Variants in SLC26A9 observed in about 807,000 individuals in gnomAD.
SLC26A9 encodes the protein anion transporter/exchanger protein 9.
SLC26A9 carries 46 observed loss-of-function variants against 87.1 expected under a neutral mutation model. The ratio of observed to expected loss-of-function variants is 0.53; its 90% CI spans 0.42 to 0.67. The LOEUF (loss-of-function observed/expected upper bound fraction) is 0.67, where lower values mean the gene tolerates loss of function less well. SLC26A9 is among the 30% of genes least tolerant of loss of function. The pLI, the probability that SLC26A9 is intolerant of heterozygous loss-of-function variation, is 0.00. For missense variants in SLC26A9, 927 were observed against 1,018.3 expected (o/e 0.91, Z 1.22); for synonymous variants, 437 against 409.1 (o/e 1.07, Z -0.82).
At chr1:205,927,420 G>A (rs781572652) in intron 10 of SLC26A9, 72 bp downstream of exon 10, 564 of 1,545,700 alleles carry the variant, frequency 3.6e-4, no homozygotes, top group Non-Finnish European at 4.6e-4. Flanking sequence ...GGCCTGGCTT[G>A]CAGTGCCCAG....
intron 16 of SLC26A9, 104 bp from the exon 17 acceptor site, chr1:205,921,951 C>T: frequency 6.5e-6 from 9 of 1,381,482 alleles, no homozygotes; most frequent in Non-Finnish European, 8.8e-6. Context: ...AGGGGAATAA[C>T]TCGCCTCGGT....
At chr1:205,918,068 T>C (rs973861311) in intron 19 of SLC26A9, among the ~76,000 whole-genome samples, 2 of 152,160 alleles carry the variant, frequency 1.3e-5, no homozygotes, top group African/African-American at 2.4e-5. Context: ...ATCAGTCTCT[T>C]AAGGCAAAGA....
At position 205,938,940 on chromosome 1, in the gene SLC26A9, G is replaced by A. The variant is rs544041906; in HGVS notation, c.-18-3102C>T. On this transcript the variant is annotated intron_variant, in intron 1 of 20. Coordinates refer to ENST00000367135, the MANE Select transcript of SLC26A9 (RefSeq NM_052934.4). ...GACTCAGGACCAGCTCTGCCCCTCT[G>A]GGCAGACTCACTGACAGATGGAGCA... Among the ~76,000 whole-genome samples the A allele has an allele frequency of 2.0e-5, 3 of 152,296 alleles. No homozygotes were observed. The East Asian group carries it at 5.8e-4, about 29-fold the overall frequency.
intron 1 of SLC26A9, among the ~76,000 whole-genome samples, chr1:205,938,192 C>T (rs142669946): frequency 6.6e-6 from 1 of 151,712 alleles, no homozygotes; most frequent in East Asian, 1.9e-4. Context: ...TTCCTGTCCT[C>T]TCCCTACCCC....
chr1:205,934,846 C>T (rs1205691002), intron 2 of SLC26A9, among the ~76,000 whole-genome samples: 3 of 152,166 alleles, frequency 2.0e-5, no homozygotes, highest in Non-Finnish European at 2.9e-5. Flanking sequence ...CCAAGAGAAA[C>T]AGGGCTGGGC....
chr1:205,919,157 G>A (rs1270601696), intron 18 of SLC26A9, among the ~76,000 whole-genome samples, 172 bp from the exon 19 acceptor site: 1 of 152,198 alleles, frequency 6.6e-6, no homozygotes, highest in African/African-American at 2.4e-5. Flanking sequence ...GACGGCAGAG[G>A]GCAACATGAA....
At position 205,932,691 on chromosome 1, in the gene SLC26A9, AGAG is replaced by A. The variant is rs752407616; in HGVS notation, c.376+8_376+10del. 6.5e-7 allele frequency: 1 copy of A among 1,542,826 alleles called. No individual in the cohort carries two copies. Among genetic ancestry groups the A allele is most frequent in the Non-Finnish European group, 8.7e-7 (1 of 1,147,414 alleles). On this transcript the variant is annotated splice_region_variant and intron_variant, in intron 4 of 20. Coordinates refer to ENST00000367135, the MANE Select transcript of SLC26A9 (RefSeq NM_052934.4). ...GGGTCATCCTGCCTGCCCAGAGGGG[AGAG>A]GCCTTACCTGGCACCATCTGGTGAA... is the stretch of plus-strand genomic sequence containing the variant.
At position 205,927,515 on chromosome 1, in the gene SLC26A9, C is replaced by G; in HGVS notation, c.1192G>C (p.Asp398His). ...ACCTGGGATTTTCCTCCAGCTCCAT[C>G]CACAGCCAGAGTGACAGAAAGCGCA... ...CCALSVTLAV[D>H]GAGGKSQVAS... The change falls in exon 10 of 21, where the codon GAT becomes CAT. Residue 398 changes from aspartate (D) to histidine (H), a missense_variant. Coordinates refer to ENST00000367135, the MANE Select transcript of SLC26A9 (RefSeq NM_052934.4). The G allele has an allele frequency of 6.2e-7, 1 of 1,614,078 alleles. No homozygotes were observed. The highest frequency in any genetic ancestry group is 8.5e-7 in the Non-Finnish European group (1 of 1,179,998).
chr1:205,915,516 A>T, intron 20 of SLC26A9, 112 bp from the exon 21 acceptor site: 1 of 1,200,598 alleles, frequency 8.3e-7, no homozygotes. Flanking sequence ...AGAACAAAGC[A>T]CCTGTGTGTG....
At chr1:205,917,381 T>A in intron 19 of SLC26A9, 27 bp from the exon 20 acceptor site, 2 of 1,612,594 alleles carry the variant, frequency 1.2e-6, no homozygotes, top group Non-Finnish European at 1.7e-6. Flanking sequence ...CAGTGCAGAA[T>A]GAGCTTCAGT....
In SLC26A9 at chr1:205,924,806, T is replaced by C. The variant is rs1571739053; in HGVS notation, c.1390-317A>G. 2.1e-5 allele frequency: 6 copies of C among 283,614 alleles called. 1 individual carries two copies. The South Asian group carries it at 2.6e-4, about 12-fold the overall frequency. The allele number at this position is 283,614 out of a possible 1,614,324, so 17.6% of individuals were successfully genotyped here. ...TTGGGTTCAAAATGTGTTTGTTTGTTTGTTTTTGGAGTCACAGGGTCTTGC... is the reference window on the plus strand; with the variant it reads ...TTGGGTTCAAAATGTGTTTGTTTGTCTGTTTTTGGAGTCACAGGGTCTTGC... On this transcript the variant is annotated intron_variant, in intron 12 of 20. Transcript: ENST00000367135.
chr1:205,926,323 G>A (rs73082392), intron 12 of SLC26A9, among the ~76,000 whole-genome samples: 2 of 152,276 alleles, frequency 1.3e-5, no homozygotes, highest in African/African-American at 4.8e-5. Flanking sequence ...AGGTTAAGGG[G>A]CTTGCTATTG....
At position 205,920,227 on chromosome 1, in the gene SLC26A9, T is replaced by G; in HGVS notation, c.2059A>C (p.Ser687Arg). The G allele has an allele frequency of 6.2e-7, 1 of 1,613,958 alleles. No individual in the cohort carries two copies. ...ACGCCGATCTTCCCATAGGTGGAGC[T>G]CAGCTAGAAGTGTTGTTGGGGTAGG... ...LMGIKALAKL[S>R]STYGKIGVKV... Residue 687 changes from serine (S) to arginine (R), a missense_variant, in exon 18 of 21, where the codon AGC becomes CGC. Transcript: ENST00000367135.
rs201055167 is a variant in SLC26A9 at position 205,928,860 on chromosome 1, T to C, written c.920A>G (p.Tyr307Cys). 4 of 1,614,148 alleles carry C rather than the reference T, an allele frequency of 2.5e-6. No homozygotes were observed. Among genetic ancestry groups the C allele is most frequent in the East Asian group, 2.2e-5 (1 of 44,872 alleles). The change falls in exon 8 of 21, where the codon TAT (tyrosine) becomes TGT (cysteine). Residue 307 changes from tyrosine (Y) to cysteine (C), a missense_variant. Physicochemically the swap from Tyr to Cys is radical, Grantham distance 194. Coordinates refer to ENST00000367135, the MANE Select transcript of SLC26A9 (RefSeq NM_052934.4). ...GATTTCTCCCACGATCTGCATGTGATACTTTTTGGGCATCTTACAGCCCCC... is the reference window on the plus strand; with the variant it reads ...GATTTCTCCCACGATCTGCATGTGACACTTTTTGGGCATCTTACAGCCCCC... ...ISGGCKMPKKYHMQIVGEIQR... is the reference protein window; with the variant it reads ...ISGGCKMPKKCHMQIVGEIQR...
chr1:205,925,172 G>A (rs1659014531), intron 12 of SLC26A9, among the ~76,000 whole-genome samples: 1 of 152,194 alleles, frequency 6.6e-6, no homozygotes, highest in Admixed American at 6.5e-5. Flanking sequence ...CAAAAGTTAA[G>A]GAATGTGACG....
chr1:205,914,952 T>C lies in SLC26A9; in HGVS notation c.*405A>G, dbSNP rs1458795443. On this transcript the variant is annotated 3_prime_UTR_variant, in exon 21 of 21. Transcript: ENST00000367135. ...AGCCGTGTGGGCTCTGGGACACTTT[T>C]TGAAGCTTGTACAGCAGGCCAGCAC... The C allele has an allele frequency of 6.2e-6, 10 of 1,614,056 alleles. No homozygotes were observed. The highest frequency in any genetic ancestry group is 5.0e-5 in the Admixed American group (3 of 60,012).
At chr1:205,935,913 T>C in intron 1 of SLC26A9, 75 bp from the exon 2 acceptor site, 3 of 1,488,864 alleles carry the variant, frequency 2.0e-6, no homozygotes, top group Non-Finnish European at 1.8e-6. Context: ...CTCTCTCTGG[T>C]CCTTGCAGTA....
In SLC26A9 at chr1:205,915,099, G is replaced by C. The variant is rs147543239; in HGVS notation, c.*258C>G. The C allele has an allele frequency of 6.2e-7, 1 of 1,614,054 alleles. No homozygotes were observed. Among genetic ancestry groups the C allele is most frequent in the South Asian group, 1.1e-5 (1 of 91,060 alleles). On this transcript the variant is annotated 3_prime_UTR_variant, in exon 21 of 21. Transcript: ENST00000367135. Reference sequence around the variant, plus strand: ...AGTGAGCAGGAGGCTTGTCCATTGCGGCCAGGGCCTGACGGGTGAAGAGTG... The same window carrying C: ...AGTGAGCAGGAGGCTTGTCCATTGCCGCCAGGGCCTGACGGGTGAAGAGTG...
chr1:205,922,828 G>A (rs372776422), intron 16 of SLC26A9, among the ~76,000 whole-genome samples: 11 of 152,190 alleles, frequency 7.2e-5, no homozygotes, highest in African/African-American at 2.4e-4. Flanking sequence ...GAACCCCAGA[G>A]GTGGAGGTTG....
Sources: allele counts gnomAD v4.1 joint callset (sites outside exome capture counted in the v4.1 genomes callset), GRCh38; gene constraint gnomAD v4.1.1; transcripts MANE v1.5; gene names NCBI Gene and HGNC (gene_info 2026-07-23, HGNC 2026-07-21).